The following MVB12A variants were observed in gnomAD, a reference collection of about 807,000 sequenced individuals.
The protein encoded by MVB12A is multivesicular body subunit 12A, also known as CIN85/CD2AP family binding protein.
A neutral mutation model predicts 34.3 loss-of-function variants in MVB12A; 30 were observed. The observed-to-expected ratio is 0.88, with a 90% confidence interval of 0.65 to 1.19. MVB12A has a LOEUF of 1.19. Ranked by LOEUF, MVB12A falls within the 50% of genes most tolerant of loss-of-function variation. The probability of loss-of-function intolerance (pLI) is 0.00; values close to 1 mark genes in which losing one functional copy is unlikely to be tolerated. For missense variants in MVB12A, 355 were observed against 369.2 expected (o/e 0.96, Z 0.31); for synonymous variants, 158 against 158.9 (o/e 0.99, Z 0.04).
At chr19:17,415,214 T>A (rs2074791587), upstream of MVB12A, 1 of 152,130 alleles carries the variant, frequency 6.6e-6, no homozygotes, top group African/African-American at 2.4e-5. Flanking sequence ...GTTTCCCATA[T>A]GAGTAGACTC....
intron 2 of MVB12A, among the ~76,000 whole-genome samples, chr19:17,407,508 G>T (rs1400677016): frequency 5.9e-5 from 9 of 152,172 alleles, no homozygotes; most frequent in Non-Finnish European, 1.0e-4. Flanking sequence ...CACTGGACAG[G>T]GGGCCCTTCC....
chr19:17,416,441 A>G, upstream of MVB12A, among the ~76,000 whole-genome samples: 1 of 136,564 alleles, frequency 7.3e-6, no homozygotes, highest in Non-Finnish European at 1.5e-5. Context: ...CTTGAGACAG[A>G]GTCTCATTCT....
chr19:17,418,530 T>C (rs1253432176), upstream of MVB12A, among the ~76,000 whole-genome samples: 5 of 151,422 alleles, frequency 3.3e-5, no homozygotes, highest in Non-Finnish European at 7.4e-5. Context: ...GTAGCTGGGA[T>C]TCCAGACGCG....
In MVB12A at chr19:17,420,233, G is replaced by A. The variant is rs777180057; in HGVS notation, c.90+8G>A. On this transcript the variant is annotated splice_region_variant and intron_variant, in intron 1 of 8. Coordinates refer to ENST00000317040, the MANE Select transcript of MVB12A (RefSeq NM_138401.4). ...CCGCGGGGGTTCAGCGCGGTGAGCG[G>A]CGTCGAGGGGCGGGGGTCGAATGGG... The A allele has an allele frequency of 2.0e-6, 3 of 1,500,984 alleles. No homozygotes were observed. The highest frequency in any genetic ancestry group is 2.4e-5 in the Admixed American group (1 of 42,124). 93.0% of individuals were successfully genotyped at this position (1,500,984 alleles called of 1,614,324 possible). A position where few individuals can be genotyped will look rare whatever the true frequency, so the allele number is the denominator to read the frequency against.
intron 7 of MVB12A, 72 bp from the exon 8 acceptor site, chr19:17,424,549 C>T: frequency 6.7e-7 from 1 of 1,486,818 alleles, no homozygotes. Context: ...GAGGGCAGGA[C>T]CCCTTGAAGA....
Position 17,407,227 on chromosome 19 carries a change from C to T in MVB12A, c.-5+931C>T, listed in dbSNP as rs115179192. Among the ~76,000 whole-genome samples, 1,221 of 152,218 alleles carry T rather than the reference C, an allele frequency of 8.0e-3. 11 individuals are homozygous for T. The highest frequency in any genetic ancestry group is 0.028 in the African/African-American group (1,163 of 41,512). On this transcript the variant is annotated intron_variant, in intron 2 of 6. Transcript: ENST00000528604. ...TGCAAACCGAAAGTTTGTTGCTCTT[C>T]CCTTTAAAATTACTGTAGGGACCAG...
In MVB12A at chr19:17,424,060, G is replaced by GC; in HGVS notation, c.700dup (p.Leu234ProfsTer18). ...CCACGATTTGAGGGCAAGAGCTGCA[G>GC]CCCCCTGGTGAGTCGGGGTCTCAGG... is the stretch of plus-strand genomic sequence containing the variant. On this transcript the variant is annotated frameshift_variant, in exon 7 of 9. Transcript: ENST00000317040. LOFTEE classifies it high-confidence loss of function. 1 of 1,614,064 alleles carries GC rather than the reference G, an allele frequency of 6.2e-7. No individual in the cohort carries two copies. The highest frequency in any genetic ancestry group is 8.5e-7 in the Non-Finnish European group (1 of 1,179,988).
At chr19:17,423,245 G>A (rs2074849026) in intron 4 of MVB12A, among the ~76,000 whole-genome samples, 1 of 148,604 alleles carries the variant, frequency 6.7e-6, no homozygotes, top group African/African-American at 2.5e-5. Flanking sequence ...TGTAATCCCA[G>A]CTAATCCAGA....
intron 8 of MVB12A, 108 bp downstream of exon 8, chr19:17,424,785 C>T: frequency 7.0e-7 from 1 of 1,436,404 alleles, no homozygotes; most frequent in Non-Finnish European, 9.5e-7. Flanking sequence ...TTCCCCATCC[C>T]CGCTTTGCCC....
In MVB12A at chr19:17,420,602, G is replaced by T; in HGVS notation, c.254G>T (p.Gly85Val). 2 of 1,613,780 alleles carry T rather than the reference G, an allele frequency of 1.2e-6. No homozygotes were observed. The highest frequency in any genetic ancestry group is 1.7e-6 in the Non-Finnish European group (2 of 1,179,694). The change falls in exon 3 of 9, where the codon GGC becomes GTC. Residue 85 changes from glycine (G) to valine (V), a missense_variant. Gly to Val is a moderately radical substitution (Grantham distance 109). Transcript: ENST00000317040. Reference sequence around the variant, plus strand: ...GTGGACAAGAGCCCCCTGCCGCTGGGCTTCTCCCCCGTCTGCGACCCCATG... The same window carrying T: ...GTGGACAAGAGCCCCCTGCCGCTGGTCTTCTCCCCCGTCTGCGACCCCATG... ...IVVDKSPLPL[G>V]FSPVCDPMDS...
rs758183109 is a variant in MVB12A, at chr19:17,424,972, C to A, written c.801C>A (p.Arg267=). The A allele has an allele frequency of 1.9e-6, 3 of 1,610,132 alleles. No homozygotes were observed. The highest frequency in any genetic ancestry group is 2.2e-5 in the South Asian group (2 of 90,680). ...GFVVEKTAAA[R]LPPSVS ...TGGTGGAGAAGACCGCGGCTGCCCGCCTGCCCCCCAGCGTCTCATAGTCCC... is the reference window on the plus strand; with the variant it reads ...TGGTGGAGAAGACCGCGGCTGCCCGACTGCCCCCCAGCGTCTCATAGTCCC... The change falls in exon 9 of 9, where the codon CGC becomes CGA. Residue 267 remains arginine, a synonymous_variant. Coordinates refer to ENST00000317040, the MANE Select transcript of MVB12A (RefSeq NM_138401.4).
At position 17,425,012 on chromosome 19, in the gene MVB12A, A is replaced by G. The variant is rs199742145; in HGVS notation, c.*19A>G. The G allele has an allele frequency of 2.0e-3, 3,153 of 1,549,598 alleles. 5 individuals are homozygous for G. The highest frequency in any genetic ancestry group is 2.5e-3 in the Non-Finnish European group (2,817 of 1,134,730). On this transcript the variant is annotated 3_prime_UTR_variant, in exon 9 of 9. Coordinates refer to ENST00000317040, the MANE Select transcript of MVB12A (RefSeq NM_138401.4). ...CTCATAGTCCCTCACCCTTCCGCGG[A>G]AAGAGCCCCCTTACTCCACCTCCCC...
At chr19:17,417,213 CTTT>C (rs35583565), upstream of MVB12A, 300 of 96,914 alleles carry the variant, frequency 3.1e-3, no homozygotes, top group African/African-American at 9.4e-3. Flanking sequence ...TCACCCAGAG[CTTT>C]TTTTTTTTTT....
intron 2 of MVB12A, chr19:17,413,138 A>G (rs1444647242): frequency 6.6e-6 from 1 of 151,768 alleles, no homozygotes. Context: ...TAACACAATC[A>G]GGAAGCAACA....
rs531340265 is a variant in MVB12A at position 17,424,466 on chromosome 19, AAAAAC to A, written c.703-141_703-137del. On this transcript the variant is annotated intron_variant, in intron 7 of 8. Transcript: ENST00000317040. Reference sequence around the variant, plus strand: ...GCGCGGCTTTAGAGACTTTGTCTCTAAAAACAAAACAAAACAAACAAGAAAAATAA... The same window carrying A: ...GCGCGGCTTTAGAGACTTTGTCTCTAAAAACAAAACAAACAAGAAAAATAA... Among the ~76,000 whole-genome samples, 20 of 152,130 alleles carry A rather than the reference AAAAAC, an allele frequency of 1.3e-4. No homozygotes were observed. In the South Asian group the frequency reaches 4.0e-3, roughly 30 times the overall value.
At chr19:17,407,768 C>T (rs1178580924) in intron 2 of MVB12A, among the ~76,000 whole-genome samples, 2 of 152,206 alleles carry the variant, frequency 1.3e-5, no homozygotes, top group East Asian at 1.9e-4. Context: ...AGGCCCTCCA[C>T]AAGAGGTGGA....
chr19:17,420,576 G>C lies in MVB12A; in HGVS notation c.228G>C (p.Val76=). 6.2e-7 allele frequency: 1 copy of C among 1,614,076 alleles called. No homozygotes were observed. The highest frequency in any genetic ancestry group is 8.5e-7 in the Non-Finnish European group (1 of 1,179,956). The change falls in exon 3 of 9, where the codon GTG becomes GTC. Residue 76 remains valine (V), a synonymous_variant. Coordinates refer to ENST00000317040, the MANE Select transcript of MVB12A (RefSeq NM_138401.4). ...QENVVADIQI[V]VDKSPLPLGF... Reference sequence around the variant, plus strand: ...ACGTGGTGGCCGATATCCAGATCGTGGTGGACAAGAGCCCCCTGCCGCTGG... The same window carrying C: ...ACGTGGTGGCCGATATCCAGATCGTCGTGGACAAGAGCCCCCTGCCGCTGG...
At chr19:17,408,069 C>T (rs536307449) in intron 2 of MVB12A, among the ~76,000 whole-genome samples, 4 of 152,250 alleles carry the variant, frequency 2.6e-5, no homozygotes, top group South Asian at 2.1e-4. Flanking sequence ...GATTGTAGAC[C>T]GAGGATTATT....
intron 2 of MVB12A, among the ~76,000 whole-genome samples, chr19:17,410,527 T>TATATATATATAC (rs2074759616): frequency 5.1e-5 from 4 of 78,034 alleles, no homozygotes; most frequent in African/African-American, 1.9e-4. Flanking sequence ...TATATATATA[T>TATATATATATAC]ATACACACAC....
Sources: gnomAD v4.1 joint callset for allele counts (sites outside exome capture counted in the v4.1 genomes callset) on GRCh38, gnomAD v4.1.1 for gene constraint, MANE v1.5 for transcripts, NCBI Gene and HGNC (gene_info 2026-07-23, HGNC 2026-07-21) for gene names.